The following BMERB1 variants were observed in gnomAD, a reference collection of about 807,000 sequenced individuals.
BMERB1 encodes the protein bMERB domain-containing protein 1.
Under a neutral mutation model 23.6 loss-of-function variants are expected in BMERB1, and 12 were observed. That is an observed-to-expected ratio of 0.51 (90% confidence interval 0.33 to 0.82). The LOEUF (loss-of-function observed/expected upper bound fraction) is 0.82, where lower values mean the gene tolerates loss of function less well. Ranked by LOEUF, BMERB1 falls within the 40% of genes least tolerant of loss-of-function variation. The pLI, the probability that BMERB1 is intolerant of heterozygous loss-of-function variation, is 0.03. For synonymous variants in BMERB1, 122 were observed against 96.6 expected, an observed-to-expected ratio of 1.26 and a Z score of -1.54; for missense variants, 247 against 255.4, an observed-to-expected ratio of 0.97 and a Z score of 0.22.
chr16:15,558,725 A>G (rs1186784428), intron 2 of BMERB1, among the ~76,000 whole-genome samples: 2 of 151,892 alleles, frequency 1.3e-5, no homozygotes, highest in Non-Finnish European at 2.9e-5. Flanking sequence ...GGGGTTAGGT[A>G]TATATCATTT....
chr16:15,572,596 A>C (rs2150973865), intron 3 of BMERB1, among the ~76,000 whole-genome samples: 1 of 152,358 alleles, frequency 6.6e-6, no homozygotes, highest in Middle Eastern at 3.4e-3. Flanking sequence ...AAAAAAGTTA[A>C]ATGTCAAACA....
intron 1 of BMERB1, among the ~76,000 whole-genome samples, chr16:15,496,762 T>C (rs2051477407): frequency 6.6e-6 from 1 of 152,034 alleles, no homozygotes; most frequent in Non-Finnish European, 1.5e-5. Context: ...ATGGTCTTGA[T>C]CTCCTGACCT....
chr16:15,448,080 G>A (rs2051006158), intron 1 of BMERB1: 2 of 366,842 alleles, frequency 5.5e-6, no homozygotes, highest in East Asian at 7.7e-5. Flanking sequence ...AGTAGAGATG[G>A]GGTTTCACCC....
chr16:15,490,907 A>C (rs940487988), intron 1 of BMERB1, among the ~76,000 whole-genome samples: 1 of 152,152 alleles, frequency 6.6e-6, no homozygotes, highest in Non-Finnish European at 1.5e-5. Flanking sequence ...CAGTGGCATG[A>C]TCTCAGCTCA....
intron 1 of BMERB1, among the ~76,000 whole-genome samples, chr16:15,455,863 G>T (rs754844663): frequency 3.2e-4 from 48 of 152,298 alleles, no homozygotes; most frequent in Middle Eastern, 3.4e-3. Flanking sequence ...CGGAAGCCAG[G>T]AAACCTTGGC....
intron 1 of BMERB1, among the ~76,000 whole-genome samples, chr16:15,463,555 C>G (rs751828975): frequency 1.3e-5 from 2 of 152,120 alleles, no homozygotes; most frequent in South Asian, 2.1e-4. Flanking sequence ...TCCCTTGCCT[C>G]GTCGTTTGAC....
chr16:15,565,809 A>G (rs1006936527), intron 2 of BMERB1, among the ~76,000 whole-genome samples: 6 of 152,210 alleles, frequency 3.9e-5, no homozygotes, highest in African/African-American at 1.2e-4. Flanking sequence ...GCAATGAGCT[A>G]TGACTGTGCC....
At chr16:15,556,133 C>T (rs1478511141) in intron 2 of BMERB1, among the ~76,000 whole-genome samples, 1 of 151,746 alleles carries the variant, frequency 6.6e-6, no homozygotes, top group Non-Finnish European at 1.5e-5. Flanking sequence ...AGCCAAGATC[C>T]CGCCATTGCA....
intron 3 of BMERB1, among the ~76,000 whole-genome samples, chr16:15,578,558 G>C (rs1342705599): frequency 6.6e-6 from 1 of 152,150 alleles, no homozygotes; most frequent in African/African-American, 2.4e-5. Context: ...CATGAACTTT[G>C]GGGGTGCCTT....
chr16:15,434,616 T>A lies in BMERB1; in HGVS notation c.-38T>A. The A allele has an allele frequency of 6.4e-7, 1 of 1,569,674 alleles. No homozygotes were observed. The highest frequency in any genetic ancestry group is 8.8e-7 in the Non-Finnish European group (1 of 1,140,310). On this transcript the variant is annotated 5_prime_UTR_variant, in exon 1 of 6. An upstream open reading frame in the 5' UTR loses its in-frame stop. Transcript: ENST00000300006. ...CCTGCAGCCCGCAACGGGAATGGAGTAAAGGGAGACCCGTCGACCTGGCCA... is the reference window on the plus strand; with the variant it reads ...CCTGCAGCCCGCAACGGGAATGGAGAAAAGGGAGACCCGTCGACCTGGCCA...
At chr16:15,438,231 C>A (rs570114495) in intron 1 of BMERB1, among the ~76,000 whole-genome samples, 1 of 151,066 alleles carries the variant, frequency 6.6e-6, no homozygotes, top group Admixed American at 6.6e-5. Flanking sequence ...GGACTACAGG[C>A]GCCTGCCACC....
chr16:15,534,306 A>G (rs1179662640), intron 2 of BMERB1, among the ~76,000 whole-genome samples: 9 of 150,242 alleles, frequency 6.0e-5, no homozygotes, highest in Non-Finnish European at 8.9e-5. Context: ...AAAAAAAAAA[A>G]AAAAAAAAAG....
intron 2 of BMERB1, among the ~76,000 whole-genome samples, chr16:15,554,257 G>A (rs1276247398): frequency 6.6e-6 from 1 of 152,082 alleles, no homozygotes; most frequent in East Asian, 1.9e-4. Flanking sequence ...CAGACTGCCC[G>A]AGTTCAAGTT....
chr16:15,489,208 G>A (rs1013412554), intron 1 of BMERB1, among the ~76,000 whole-genome samples: 7 of 152,176 alleles, frequency 4.6e-5, no homozygotes, highest in South Asian at 2.1e-4. Context: ...TCCTGGGAGC[G>A]GTGGTGCCAG....
At chr16:15,470,263 T>A (rs1299333212) in intron 1 of BMERB1, among the ~76,000 whole-genome samples, 2 of 152,106 alleles carry the variant, frequency 1.3e-5, no homozygotes, top group Non-Finnish European at 2.9e-5. Flanking sequence ...ACCTTGTTAA[T>A]ATAGTGGATC....
intron 1 of BMERB1, among the ~76,000 whole-genome samples, chr16:15,508,290 A>G (rs1044917675): frequency 2.0e-5 from 3 of 152,164 alleles, no homozygotes; most frequent in Admixed American, 1.3e-4. Flanking sequence ...AGATTACAGT[A>G]TACCACCCAG....
At chr16:15,480,100 A>G (rs1049646844) in intron 1 of BMERB1, among the ~76,000 whole-genome samples, 2 of 150,412 alleles carry the variant, frequency 1.3e-5, no homozygotes, top group Non-Finnish European at 3.0e-5. Context: ...GGCATGAAAT[A>G]GAGATCTGAT....
chr16:15,518,962 CACA>C (rs1035880691), intron 2 of BMERB1, among the ~76,000 whole-genome samples: 22 of 152,202 alleles, frequency 1.4e-4, no homozygotes, highest in African/African-American at 4.8e-4. Context: ...CCAATTTCCT[CACA>C]ACGTCTTCCC....
At chr16:15,510,562 G>A (rs962798765) in intron 1 of BMERB1, among the ~76,000 whole-genome samples, 1 of 152,052 alleles carries the variant, frequency 6.6e-6, no homozygotes, top group Admixed American at 6.5e-5. Flanking sequence ...AGGAGAAACA[G>A]AGCTGCTGAG....
Sources: gnomAD v4.1 joint callset for allele counts (sites outside exome capture counted in the v4.1 genomes callset) on GRCh38, gnomAD v4.1.1 for gene constraint, MANE v1.5 for transcripts, NCBI Gene and HGNC (gene_info 2026-07-23, HGNC 2026-07-21) for gene names.